HMCN1: variants seen among roughly 807,000 people sequenced by gnomAD.
The protein encoded by HMCN1 is hemicentin 1, also known as hemicentin-1.
A neutral mutation model predicts 625.9 loss-of-function variants in HMCN1; 321 were observed. The ratio of observed to expected loss-of-function variants is 0.51; its 90% confidence interval spans 0.47 to 0.56. The LOEUF is 0.56. Among genes scored for constraint, HMCN1 ranks in the 20% least tolerant of loss-of-function variants. The pLI, the probability that HMCN1 is intolerant of heterozygous loss-of-function variation, is 0.00. For missense variants in HMCN1, 6,588 were observed against 6,887.3 expected (o/e 0.96, Z 1.54); for synonymous variants, 2,425 against 2,417.6 (o/e 1.00, Z -0.09).
intron 68 of HMCN1, among the ~76,000 whole-genome samples, chr1:186,102,002 T>A (rs1227223799): frequency 1.3e-5 from 2 of 152,112 alleles, no homozygotes; most frequent in African/African-American, 4.8e-5. Flanking sequence ...TGCGGGACTA[T>A]GAGGAGCAAG....
chr1:185,893,086 G>C (rs181680119), intron 4 of HMCN1, among the ~76,000 whole-genome samples: 2 of 152,182 alleles, frequency 1.3e-5, no homozygotes, highest in Admixed American at 6.5e-5. Flanking sequence ...GGTGCCGTCC[G>C]TTACCCCTTT....
rs1370660134 is a variant in HMCN1 at position 185,933,749 on chromosome 1, G to A, written c.1753G>A (p.Asp585Asn). 1.9e-6 allele frequency: 3 copies of A among 1,613,750 alleles called. No homozygotes were observed. The highest frequency in any genetic ancestry group is 1.7e-5 in the Admixed American group (1 of 59,980). ...SLELKSVKFN[D>N]AGEYHCMVSS... is the part of the protein sequence containing the mutation. ...GGAGCTAAAGAGTGTGAAATTCAAC[G>A]ATGCTGGAGAGTATCATTGTATGGT... is the stretch of plus-strand genomic sequence containing the variant. Residue 585 changes from aspartate to asparagine, a missense_variant, in exon 11 of 107, where the codon GAT becomes AAT. Asp to Asn is a conservative substitution (Grantham distance 23). Around this residue, in one of 3 missense-constraint regions of HMCN1, gnomAD observed 4,628 missense variants for 4,853.1 expected, o/e 0.95. Transcript: ENST00000271588.
chr1:186,009,886 C>A (rs1379558379), intron 30 of HMCN1, among the ~76,000 whole-genome samples: 3 of 152,152 alleles, frequency 2.0e-5, no homozygotes, highest in African/African-American at 7.2e-5. Context: ...CAGTCCCCAA[C>A]CATTTTGGCA....
intron 2 of HMCN1, among the ~76,000 whole-genome samples, chr1:185,852,707 A>T (rs1310104721): frequency 6.6e-6 from 1 of 151,672 alleles, no homozygotes; most frequent in East Asian, 1.9e-4. Flanking sequence ...TAAACCTTCA[A>T]GCAGAACAGT....
chr1:186,057,035 A>T (rs201168043), intron 45 of HMCN1, among the ~76,000 whole-genome samples, 199 bp from the exon 46 acceptor site: 58,839 of 134,860 alleles, frequency 0.44, 11,394 homozygotes, highest in East Asian at 0.53. Flanking sequence ...GGAATGTCAC[A>T]CACACACACA....
chr1:185,942,831 A>G (rs1305881869), intron 11 of HMCN1, among the ~76,000 whole-genome samples: 1 of 152,182 alleles, frequency 6.6e-6, no homozygotes, highest in African/African-American at 2.4e-5. Context: ...CTGATCAAGC[A>G]GGTATAAATC....
intron 36 of HMCN1, among the ~76,000 whole-genome samples, chr1:186,035,144 TAA>T (rs1490885361): frequency 2.6e-5 from 4 of 152,194 alleles, no homozygotes; most frequent in African/African-American, 9.6e-5. Context: ...GCTATATTTA[TAA>T]GTCTTGTGTC....
rs762648885 is a variant in HMCN1 at position 185,865,717 on chromosome 1, TTC to T, written c.499-22_499-21del. Reference sequence around the variant, plus strand: ...TATTTCTGGAAACCCTTTACACTGTTTCTTTTTTTTTTTTTAATCATAGGTCG... The same window carrying T: ...TATTTCTGGAAACCCTTTACACTGTTTTTTTTTTTTTTTAATCATAGGTCG... On this transcript the variant is annotated intron_variant, in intron 3 of 106. Transcript: ENST00000271588. 2.0e-4 allele frequency: 175 copies of T among 884,464 alleles called. 16 individuals carry two copies. Among genetic ancestry groups the T allele is most frequent in the Non-Finnish European group, 2.5e-4 (149 of 606,458 alleles). The allele number at this position is 884,464 out of a possible 1,614,324, so 54.8% of individuals were successfully genotyped here. A position where few individuals can be genotyped will look rare whatever the true frequency, so the allele number is the denominator to read the frequency against.
intron 80 of HMCN1, among the ~76,000 whole-genome samples, chr1:186,120,839 C>G (rs1240020000): frequency 6.6e-6 from 1 of 152,158 alleles, no homozygotes; most frequent in Non-Finnish European, 1.5e-5. Context: ...AGACATGATC[C>G]TTCTCTTATG....
intron 1 of HMCN1, among the ~76,000 whole-genome samples, chr1:185,774,708 G>A (rs557685902): frequency 6.6e-6 from 1 of 152,244 alleles, no homozygotes; most frequent in South Asian, 2.1e-4. Flanking sequence ...TTGGAAGGAA[G>A]AGTGGAATAG....
At chr1:185,953,138 TTGAGGGGTAC>T (rs1265060834) in intron 11 of HMCN1, among the ~76,000 whole-genome samples, 2 of 149,264 alleles carry the variant, frequency 1.3e-5, no homozygotes, top group East Asian at 2.0e-4. Context: ...GGAGAAGGGG[TTGAGGGGTAC>T]TGAGGGGTAC....
intron 4 of HMCN1, among the ~76,000 whole-genome samples, chr1:185,883,355 A>G (rs1169632550): frequency 1.3e-5 from 2 of 152,110 alleles, no homozygotes; most frequent in African/African-American, 2.4e-5. Context: ...CACTACAATT[A>G]TGATACAGAA....
intron 1 of HMCN1, among the ~76,000 whole-genome samples, chr1:185,769,525 A>G (rs926181291): frequency 7.2e-5 from 11 of 152,210 alleles, no homozygotes; most frequent in African/African-American, 2.4e-4. Context: ...TTTGCCTATC[A>G]TATAAAAAGA....
At chr1:185,997,880 A>T (rs1212372519) in intron 25 of HMCN1, among the ~76,000 whole-genome samples, 2 of 146,884 alleles carry the variant, frequency 1.4e-5, no homozygotes, top group African/African-American at 5.1e-5. Flanking sequence ...TTCCATATTT[A>T]TCTCAACCAG....
In HMCN1 at chr1:185,959,767, A is replaced by G. The variant is rs559451599; in HGVS notation, c.1829-2751A>G. ...TGAACTCCGGACTTCTAAATCCAACATTAGTACTATTTTTTTTTCCCCTAA... is the reference window on the plus strand; with the variant it reads ...TGAACTCCGGACTTCTAAATCCAACGTTAGTACTATTTTTTTTTCCCCTAA... On this transcript the variant is annotated intron_variant, in intron 11 of 106. Coordinates refer to ENST00000271588, the MANE Select transcript of HMCN1 (RefSeq NM_031935.3). Among the ~76,000 whole-genome samples, 4 of 152,028 alleles carry G rather than the reference A, an allele frequency of 2.6e-5. No homozygotes were observed. In the East Asian group the frequency reaches 7.7e-4, roughly 29 times the overall value.
rs1652438441 is a variant in HMCN1 at position 186,174,529 on chromosome 1, A to G, written c.15830A>G (p.Lys5277Arg). 6.2e-7 allele frequency: 1 copy of G among 1,613,928 alleles called. No individual in the cohort carries two copies. Among genetic ancestry groups the G allele is most frequent in the African/African-American group, 1.3e-5 (1 of 75,054 alleles). Residue 5277 changes from lysine to arginine, a missense_variant, in exon 103 of 107, where the codon AAA becomes AGA. By Grantham distance (26) the Lys-to-Arg change is conservative (BLOSUM62 2). Around this residue, in one of 3 missense-constraint regions of HMCN1, gnomAD observed 1,954 missense variants for 2,013.1 expected, o/e 0.97. Transcript: ENST00000271588. ...ATGTCTGTAGATATTGATGAATGTAAAGATGGGACCCATCAGTGCAGATAT... is the reference window on the plus strand; with the variant it reads ...ATGTCTGTAGATATTGATGAATGTAGAGATGGGACCCATCAGTGCAGATAT... ...NGTCIDIDECKDGTHQCRYNQ... is the reference protein window; with the variant it reads ...NGTCIDIDECRDGTHQCRYNQ...
chr1:185,878,253 G>A (rs1212754700), intron 4 of HMCN1, among the ~76,000 whole-genome samples: 1 of 152,114 alleles, frequency 6.6e-6, no homozygotes, highest in African/African-American at 2.4e-5. Flanking sequence ...TTCACTGATT[G>A]CTCTGGCTAG....
At chr1:186,113,048 C>T (rs1660964676) in intron 72 of HMCN1, 95 bp downstream of exon 72, 1 of 1,424,846 alleles carries the variant, frequency 7.0e-7, no homozygotes, top group East Asian at 2.3e-5. Context: ...CTAAATGAAG[C>T]CTTGTGCTTA....
rs184128357 is a variant in HMCN1 at position 186,187,928 on chromosome 1, G to A, written c.16460G>A (p.Arg5487His). 2.3e-4 allele frequency: 376 copies of A among 1,613,680 alleles called. No individual in the cohort carries two copies. Among genetic ancestry groups the A allele is most frequent in the Middle Eastern group, 1.7e-4 (1 of 6,054 alleles). The change falls in exon 106 of 107, where the codon CGC becomes CAC. Residue 5487 changes from arginine to histidine, a missense_variant. Arg to His is a conservative substitution (Grantham distance 29). Coordinates refer to ENST00000271588, the MANE Select transcript of HMCN1 (RefSeq NM_031935.3). ...LEQNVHCGPNRMCFNMRGSYQ... is the reference protein window; with the variant it reads ...LEQNVHCGPNHMCFNMRGSYQ... ...CAGAATGTGCACTGTGGACCCAATC[G>A]CATGTGCTTCAACATGAGAGGAAGC...
Sources: allele counts gnomAD v4.1 joint callset (sites outside exome capture counted in the v4.1 genomes callset), GRCh38; gene constraint gnomAD v4.1.1; regional missense constraint gnomAD v4.1.1; transcripts MANE v1.5; gene names NCBI Gene and HGNC (gene_info 2026-07-23, HGNC 2026-07-21).